PCSK2: variants seen among roughly 807,000 people sequenced by gnomAD.
PCSK2 encodes neuroendocrine convertase 2.
Under a neutral mutation model 69.7 loss-of-function variants are expected in PCSK2, and 14 were observed. That is an observed-to-expected ratio of 0.20 (90% CI 0.13 to 0.31). The LOEUF (loss-of-function observed/expected upper bound fraction) is 0.31, where lower values mean the gene tolerates loss of function less well. Ranked by LOEUF, PCSK2 falls within the 10% of genes least tolerant of loss-of-function variation. PCSK2 has a pLI of 1.00. For missense variants in PCSK2, 544 were observed against 842.5 expected, an observed-to-expected ratio of 0.65 and a Z score of 4.39; for synonymous variants, 307 against 320.7, an observed-to-expected ratio of 0.96 and a Z score of 0.46.
intron 2 of PCSK2, among the ~76,000 whole-genome samples, chr20:17,293,714 G>A (rs1410544562): frequency 6.6e-6 from 1 of 151,974 alleles, no homozygotes; most frequent in Non-Finnish European, 1.5e-5. Context: ...CTTTGGATTC[G>A]ATTTGTCAAT....
At chr20:17,305,894 A>G (rs1349490035) in intron 2 of PCSK2, among the ~76,000 whole-genome samples, 2 of 152,176 alleles carry the variant, frequency 1.3e-5, no homozygotes, top group African/African-American at 2.4e-5. Context: ...ACTAAACAAA[A>G]TATTATCATT....
intron 11 of PCSK2, among the ~76,000 whole-genome samples, chr20:17,474,995 G>T (rs1011433082): frequency 6.6e-6 from 1 of 152,126 alleles, no homozygotes; most frequent in South Asian, 2.1e-4. Flanking sequence ...TTTAGGTTGG[G>T]TTGCTCGGAA....
intron 7 of PCSK2, among the ~76,000 whole-genome samples, chr20:17,430,534 T>C (rs557142770): frequency 6.6e-6 from 1 of 152,332 alleles, no homozygotes; most frequent in East Asian, 1.9e-4. Context: ...TCAACACTGT[T>C]TGCTAAGAGG....
At chr20:17,306,667 C>G (rs1301636777) in intron 2 of PCSK2, among the ~76,000 whole-genome samples, 1 of 152,172 alleles carries the variant, frequency 6.6e-6, no homozygotes, top group Non-Finnish European at 1.5e-5. Context: ...ATTGCTCCAT[C>G]TATGCAAGAC....
At chr20:17,400,386 G>A (rs1251101660) in intron 5 of PCSK2, among the ~76,000 whole-genome samples, 1 of 152,138 alleles carries the variant, frequency 6.6e-6, no homozygotes, top group East Asian at 1.9e-4. Context: ...TTCATCATCT[G>A]TGTGACCTTG....
chr20:17,439,806 G>C (rs1009519335), intron 8 of PCSK2, among the ~76,000 whole-genome samples: 13 of 152,210 alleles, frequency 8.5e-5, no homozygotes, highest in African/African-American at 3.1e-4. Flanking sequence ...TGGTACACAG[G>C]CTGGATCTAA....
chr20:17,360,924 C>T (rs781160731), intron 4 of PCSK2, among the ~76,000 whole-genome samples: 18 of 152,178 alleles, frequency 1.2e-4, no homozygotes, highest in East Asian at 3.8e-4. Context: ...TTACTGCTTA[C>T]ACTTTACCTT....
At chr20:17,254,404 T>C (rs950199445) in intron 1 of PCSK2, among the ~76,000 whole-genome samples, 2 of 152,216 alleles carry the variant, frequency 1.3e-5, no homozygotes, top group African/African-American at 2.4e-5. Flanking sequence ...AATTCATTTT[T>C]TTCATGTGAA....
chr20:17,304,934 A>T (rs946425039), intron 2 of PCSK2, among the ~76,000 whole-genome samples: 1 of 152,204 alleles, frequency 6.6e-6, no homozygotes. Flanking sequence ...TGACTGAATC[A>T]TCTGCTACGG....
intron 1 of PCSK2, among the ~76,000 whole-genome samples, chr20:17,255,912 G>T (rs1987160845): frequency 6.6e-6 from 1 of 152,064 alleles, no homozygotes; most frequent in Non-Finnish European, 1.5e-5. Flanking sequence ...ATCACAATCT[G>T]TAGTTTTCTT....
intron 5 of PCSK2, among the ~76,000 whole-genome samples, chr20:17,408,318 A>G (rs2031796740): frequency 6.6e-6 from 1 of 152,116 alleles, no homozygotes; most frequent in Admixed American, 6.5e-5. Context: ...GGAATGGGTT[A>G]TTCACTAAAC....
chr20:17,441,475 CT>C (rs1350109960), intron 8 of PCSK2, among the ~76,000 whole-genome samples: 1 of 152,120 alleles, frequency 6.6e-6, no homozygotes, highest in African/African-American at 2.4e-5. Flanking sequence ...CTGTATGCCC[CT>C]GTATTAATCT....
chr20:17,339,794 C>T (rs527842722), intron 2 of PCSK2, among the ~76,000 whole-genome samples: 4 of 152,294 alleles, frequency 2.6e-5, no homozygotes, highest in African/African-American at 9.6e-5. Context: ...CATTGCTGCC[C>T]TCGGTCTAAG....
chr20:17,404,499 A>C (rs1389048807), intron 5 of PCSK2, among the ~76,000 whole-genome samples: 3 of 152,164 alleles, frequency 2.0e-5, no homozygotes, highest in African/African-American at 7.2e-5. Flanking sequence ...TCACCATCGC[A>C]ATGTAATGCT....
At position 17,410,717 on chromosome 20, in the gene PCSK2, T is replaced by C. The variant is rs16999128; in HGVS notation, c.620+1378T>C. Among the ~76,000 whole-genome samples, 1,357 of 152,298 alleles carry C rather than the reference T, an allele frequency of 8.9e-3. 14 individuals carry two copies. Among genetic ancestry groups the C allele is most frequent in the South Asian group, 0.039 (186 of 4,830 alleles). ...CTCTGTGACTTCTAACCCTAGATGG[T>C]AGCATATATTTAGCAAATAAACCAT... is the stretch of plus-strand genomic sequence containing the variant. On this transcript the variant is annotated intron_variant, in intron 6 of 11. Transcript: ENST00000262545.
chr20:17,301,261 T>C (rs1404967179), intron 2 of PCSK2, among the ~76,000 whole-genome samples: 1 of 152,168 alleles, frequency 6.6e-6, no homozygotes, highest in Non-Finnish European at 1.5e-5. Flanking sequence ...CTCATCATTT[T>C]GGTGGAGGAG....
chr20:17,426,573 T>G (rs906331308), intron 6 of PCSK2, among the ~76,000 whole-genome samples: 15 of 152,330 alleles, frequency 9.8e-5, no homozygotes, highest in Admixed American at 3.3e-4. Context: ...TTATAAGGAA[T>G]TGGCTCACCT....
At chr20:17,241,530 C>T (rs1459151430) in intron 1 of PCSK2, among the ~76,000 whole-genome samples, 1 of 152,204 alleles carries the variant, frequency 6.6e-6, no homozygotes, top group Non-Finnish European at 1.5e-5. Flanking sequence ...TTTCTTTGTC[C>T]TGTGGAATCA....
At chr20:17,362,416 C>T (rs2030426758) in intron 4 of PCSK2, among the ~76,000 whole-genome samples, 1 of 152,166 alleles carries the variant, frequency 6.6e-6, no homozygotes, top group Non-Finnish European at 1.5e-5. Context: ...CTGTGGGTTG[C>T]TGGAGTTCAT....
Sources: allele counts gnomAD v4.1 joint callset (sites outside exome capture counted in the v4.1 genomes callset), GRCh38; gene constraint gnomAD v4.1.1; transcripts MANE v1.5; gene names NCBI Gene and HGNC (gene_info 2026-07-23, HGNC 2026-07-21).